The following MCPH1 variants were observed in gnomAD, a reference collection of about 807,000 sequenced individuals.
MCPH1 encodes microcephalin.
MCPH1 carries 104 observed loss-of-function variants against 84.5 expected under a neutral mutation model. The observed-to-expected ratio is 1.23, with a 90% CI of 1.05 to 1.45. The LOEUF is 1.45. Ranked by LOEUF, MCPH1 falls within the 40% of genes most tolerant of loss-of-function variation. The pLI is 0.00. For synonymous variants in MCPH1, 514 were observed against 366.8 expected (o/e 1.40, Z -4.58); for missense variants, 1,498 against 1,005.7 (o/e 1.49, Z -6.62).
intron 5 of MCPH1, among the ~76,000 whole-genome samples, chr8:6,438,652 T>G (rs1159887632): frequency 2.0e-5 from 3 of 152,218 alleles, no homozygotes; most frequent in East Asian, 3.8e-4. Flanking sequence ...TGTCTCAGTC[T>G]TTGTCTTCAA....
At chr8:6,521,515 G>T in intron 12 of MCPH1, 2 of 838,106 alleles carry the variant, frequency 2.4e-6, no homozygotes, top group Non-Finnish European at 1.8e-6. Context: ...ATATTGTAGT[G>T]GTTATAAAGT....
intron 9 of MCPH1, among the ~76,000 whole-genome samples, chr8:6,461,094 C>T (rs568812170): frequency 6.6e-6 from 1 of 152,158 alleles, no homozygotes; most frequent in African/African-American, 2.4e-5. Flanking sequence ...GGTCAGTTTG[C>T]AAAAGACACA....
At chr8:6,469,355 G>A (rs1377436332) in intron 9 of MCPH1, among the ~76,000 whole-genome samples, 1 of 152,066 alleles carries the variant, frequency 6.6e-6, no homozygotes, top group African/African-American at 2.4e-5. Flanking sequence ...GGATCTCTTG[G>A]GTCCACAGAC....
intron 10 of MCPH1, among the ~76,000 whole-genome samples, chr8:6,478,934 C>T (rs902342932): frequency 1.3e-5 from 2 of 152,050 alleles, no homozygotes; most frequent in African/African-American, 4.8e-5. Context: ...GATAAAGAAA[C>T]AGGTTTTGAG....
chr8:6,525,815 C>G (rs1221679107), intron 12 of MCPH1, among the ~76,000 whole-genome samples: 1 of 152,122 alleles, frequency 6.6e-6, no homozygotes, highest in Non-Finnish European at 1.5e-5. Flanking sequence ...ATTTCTACAG[C>G]TGATGAGAAA....
chr8:6,609,608 G>C (rs1563183982), intron 12 of MCPH1, among the ~76,000 whole-genome samples: 1 of 152,218 alleles, frequency 6.6e-6, no homozygotes, highest in African/African-American at 2.4e-5. Context: ...ATGGAGAACA[G>C]AAAGTCCCAT....
chr8:6,446,122 T>C (rs1804330646), intron 8 of MCPH1: 2 of 961,054 alleles, frequency 2.1e-6, no homozygotes, highest in Non-Finnish European at 2.5e-6. Flanking sequence ...GTTTAACTTG[T>C]ACTTATTTTG....
chr8:6,522,830 C>T (rs1376340714), intron 12 of MCPH1, among the ~76,000 whole-genome samples: 1 of 151,836 alleles, frequency 6.6e-6, no homozygotes, highest in Admixed American at 6.6e-5. Context: ...TACCTAAAGT[C>T]ACACACAGCA....
At chr8:6,627,150 C>T (rs1311657170) in intron 13 of MCPH1, 1 of 985,386 alleles carries the variant, frequency 1.0e-6, no homozygotes, top group Non-Finnish European at 1.2e-6. Flanking sequence ...GACTGACTGA[C>T]CAGAAAAATG....
At chr8:6,489,872 A>G (rs772300339) in intron 11 of MCPH1, among the ~76,000 whole-genome samples, 1 of 152,226 alleles carries the variant, frequency 6.6e-6, no homozygotes, top group African/African-American at 2.4e-5. Context: ...AACTAAGATT[A>G]TGTATATTAA....
chr8:6,588,279 C>G (rs3020245), intron 12 of MCPH1, among the ~76,000 whole-genome samples: 71,444 of 151,894 alleles, frequency 0.47, 17,253 homozygotes, highest in Admixed American at 0.58. Flanking sequence ...GCCAGCCCAG[C>G]AGTGATCCCT....
At chr8:6,586,842 G>A (rs1334722320) in intron 12 of MCPH1, among the ~76,000 whole-genome samples, 1 of 152,174 alleles carries the variant, frequency 6.6e-6, no homozygotes, top group East Asian at 1.9e-4. Flanking sequence ...CTTACCACCT[G>A]AATCCTGTCG....
At chr8:6,431,093 G>A (rs969329272) in intron 3 of MCPH1, among the ~76,000 whole-genome samples, 1 of 152,162 alleles carries the variant, frequency 6.6e-6, no homozygotes, top group Non-Finnish European at 1.5e-5. Flanking sequence ...GGAGGAAAGA[G>A]ATGTCCTCTG....
At chr8:6,470,270 C>G (rs1807541600) in intron 9 of MCPH1, among the ~76,000 whole-genome samples, 1 of 151,988 alleles carries the variant, frequency 6.6e-6, no homozygotes, top group Admixed American at 6.6e-5. Flanking sequence ...GATCCTCATA[C>G]TTTGGGGTTT....
At chr8:6,615,725 T>A (rs962988586) in intron 12 of MCPH1, 1 of 152,188 alleles carries the variant, frequency 6.6e-6, no homozygotes, top group African/African-American at 2.4e-5. Context: ...ATTATAAGAT[T>A]GTAGGGAACT....
Position 6,469,938 on chromosome 8 carries a change from A to G in MCPH1, c.1936-7656A>G, listed in dbSNP as rs531227384. ...GTTATTGTTTCTCACTGGTCGTTGG[A>G]TTCTTTCATGTGACCACCTTTTTCA... On this transcript the variant is annotated intron_variant, in intron 9 of 13. Transcript: ENST00000344683. 2.6e-5 allele frequency among the ~76,000 whole-genome samples: 4 copies of G among 152,044 alleles called. No homozygotes were observed. In the East Asian group the frequency reaches 5.8e-4, roughly 22 times the overall value.
rs184190673 is a variant in MCPH1 at position 6,532,323 on chromosome 8, A to G, written c.2214+32394A>G. ...AGGGACACCGTGTGCTTTATGTGGCATTACTTACTTGGGCTTCCACATCAG... is the reference window on the plus strand; with the variant it reads ...AGGGACACCGTGTGCTTTATGTGGCGTTACTTACTTGGGCTTCCACATCAG... On this transcript the variant is annotated intron_variant, in intron 12 of 13. Coordinates refer to ENST00000344683, the MANE Select transcript of MCPH1 (RefSeq NM_024596.5). 9.3e-6 allele frequency: 15 copies of G among 1,614,026 alleles called. No individual in the cohort carries two copies. The East Asian group carries it at 2.7e-4, about 29-fold the overall frequency.
intron 12 of MCPH1, chr8:6,616,208 A>G (rs1387615746): frequency 1.3e-5 from 2 of 152,190 alleles, no homozygotes; most frequent in Admixed American, 1.3e-4. Context: ...TTGAGATGGG[A>G]AAGTGCATCT....
intron 12 of MCPH1, among the ~76,000 whole-genome samples, chr8:6,536,226 A>T (rs934112820): frequency 6.6e-6 from 1 of 152,186 alleles, no homozygotes; most frequent in African/African-American, 2.4e-5. Flanking sequence ...AGGAACAGCC[A>T]CAGTAATGGT....
Sources: gnomAD v4.1 joint callset for allele counts (sites outside exome capture counted in the v4.1 genomes callset) on GRCh38, gnomAD v4.1.1 for gene constraint, MANE v1.5 for transcripts, NCBI Gene and HGNC (gene_info 2026-07-23, HGNC 2026-07-21) for gene names.